The following PLCB1 variants were observed in gnomAD, a reference collection of about 807,000 sequenced individuals.
The protein encoded by PLCB1 is phospholipase C beta 1, also known as 1-phosphatidylinositol 4,5-bisphosphate phosphodiesterase beta-1.
Under a neutral mutation model 161.8 loss-of-function variants are expected in PLCB1, and 46 were observed. That is an observed-to-expected ratio of 0.28 (90% CI 0.22 to 0.36). The LOEUF (loss-of-function observed/expected upper bound fraction) is 0.36, where lower values mean the gene tolerates loss of function less well. PLCB1 is among the 10% of genes least tolerant of loss of function. The probability of loss-of-function intolerance (pLI) is 1.00; values close to 1 mark genes in which losing one functional copy is unlikely to be tolerated. For missense variants in PLCB1, 1,016 were observed against 1,472.5 expected (o/e 0.69, Z 5.07); for synonymous variants, 517 against 503.7 (o/e 1.03, Z -0.35).
At chr20:8,291,211 T>C (rs980749569) in intron 2 of PLCB1, among the ~76,000 whole-genome samples, 2 of 152,118 alleles carry the variant, frequency 1.3e-5, no homozygotes, top group African/African-American at 4.8e-5. Flanking sequence ...GCCTTCCAGG[T>C]CAATGAAAAA....
intron 2 of PLCB1, among the ~76,000 whole-genome samples, chr20:8,320,791 AAAGAAAG>A (rs1984874423): frequency 1.3e-5 from 2 of 148,614 alleles, no homozygotes; most frequent in East Asian, 2.0e-4. Context: ...ATTAGGACAG[AAAGAAAG>A]AAGAAAGAAA....
At chr20:8,697,251 C>A (rs1008331138) in intron 10 of PLCB1, among the ~76,000 whole-genome samples, 1 of 152,024 alleles carries the variant, frequency 6.6e-6, no homozygotes, top group Non-Finnish European at 1.5e-5. Context: ...CTTGGGCAAC[C>A]GAACTCTGTG....
At chr20:8,603,451 C>T (rs747639731) in intron 3 of PLCB1, among the ~76,000 whole-genome samples, 2 of 152,186 alleles carry the variant, frequency 1.3e-5, no homozygotes, top group African/African-American at 2.4e-5. Context: ...TTTAGCATCA[C>T]CAGCTGGCTC....
At chr20:8,638,947 A>C (rs1273137149) in intron 4 of PLCB1, among the ~76,000 whole-genome samples, 2 of 151,266 alleles carry the variant, frequency 1.3e-5, no homozygotes, top group African/African-American at 4.9e-5. Flanking sequence ...AAGGATTTTT[A>C]ATTTGTGTTT....
At chr20:8,740,697 C>A (rs1486955809) in intron 22 of PLCB1, among the ~76,000 whole-genome samples, 1 of 152,120 alleles carries the variant, frequency 6.6e-6, no homozygotes, top group East Asian at 1.9e-4. Flanking sequence ...CCCTTTTAGT[C>A]TTATTCTCAT....
At chr20:8,139,827 C>G (rs2051385154) in intron 1 of PLCB1, among the ~76,000 whole-genome samples, 1 of 152,118 alleles carries the variant, frequency 6.6e-6, no homozygotes, top group Non-Finnish European at 1.5e-5. Context: ...AGTAGGACTT[C>G]TTATAATACA....
At chr20:8,159,996 A>G (rs1386596342) in intron 2 of PLCB1, among the ~76,000 whole-genome samples, 1 of 151,366 alleles carries the variant, frequency 6.6e-6, no homozygotes, top group Non-Finnish European at 1.5e-5. Context: ...CTCAAAAAAA[A>G]AAAAAAAAAA....
intron 2 of PLCB1, among the ~76,000 whole-genome samples, chr20:8,263,750 A>G (rs1981822312): frequency 6.6e-6 from 1 of 152,198 alleles, no homozygotes. Flanking sequence ...GAAAAGGTAC[A>G]TTGAAAATAC....
chr20:8,451,752 C>T (rs1348732469), intron 3 of PLCB1, among the ~76,000 whole-genome samples: 2 of 152,030 alleles, frequency 1.3e-5, no homozygotes, highest in African/African-American at 4.8e-5. Context: ...GACTCTCTTT[C>T]TCTTTTCATT....
Position 8,820,761 on chromosome 20 carries a change from A to G in PLCB1, c.3423+30500A>G, listed in dbSNP as rs538555602. Among the ~76,000 whole-genome samples the G allele has an allele frequency of 2.4e-4, 36 of 152,350 alleles. No homozygotes were observed. In the South Asian group the frequency reaches 5.6e-3, roughly 24 times the overall value. ...TATAATAGTAGAATAAAGCAATGTT[A>G]ATATATTCCTACAAAAGAATATTAC... On this transcript the variant is annotated intron_variant, in intron 31 of 31. Coordinates refer to ENST00000338037, the MANE Select transcript of PLCB1 (RefSeq NM_015192.4).
chr20:8,322,311 G>C (rs1984956461), intron 2 of PLCB1, among the ~76,000 whole-genome samples: 1 of 151,920 alleles, frequency 6.6e-6, no homozygotes, highest in Non-Finnish European at 1.5e-5. Flanking sequence ...TTAAATTACT[G>C]AAGCTATTCA....
chr20:8,842,816 C>T (rs757911248), intron 31 of PLCB1, among the ~76,000 whole-genome samples: 1 of 152,128 alleles, frequency 6.6e-6, no homozygotes, highest in Non-Finnish European at 1.5e-5. Flanking sequence ...ATAGATAACA[C>T]AAGCAGTTAG....
chr20:8,429,181 T>G (rs1408658088), intron 3 of PLCB1, among the ~76,000 whole-genome samples: 1 of 152,210 alleles, frequency 6.6e-6, no homozygotes, highest in Non-Finnish European at 1.5e-5. Flanking sequence ...TCTCGAGCAT[T>G]TTAGGTGTTA....
At chr20:8,354,974 T>C (rs1486985559) in intron 2 of PLCB1, among the ~76,000 whole-genome samples, 3 of 152,198 alleles carry the variant, frequency 2.0e-5, no homozygotes, top group Non-Finnish European at 4.4e-5. Context: ...TGGGATTCTG[T>C]CTACCAAGTC....
chr20:8,431,855 C>T (rs1190733134), intron 3 of PLCB1, among the ~76,000 whole-genome samples: 2 of 152,162 alleles, frequency 1.3e-5, no homozygotes, highest in Non-Finnish European at 2.9e-5. Flanking sequence ...TCTGCTTGGG[C>T]TGCCATAATA....
At chr20:8,209,705 C>T (rs924925992) in intron 2 of PLCB1, among the ~76,000 whole-genome samples, 1 of 152,074 alleles carries the variant, frequency 6.6e-6, no homozygotes, top group African/African-American at 2.4e-5. Context: ...ACCCAGTGGT[C>T]ATGCTTGTGA....
intron 31 of PLCB1, among the ~76,000 whole-genome samples, chr20:8,868,490 T>C (rs1024326053): frequency 1.3e-5 from 2 of 152,206 alleles, no homozygotes; most frequent in Non-Finnish European, 2.9e-5. Context: ...GAAAACACAT[T>C]GGAATGTTTT....
intron 19 of PLCB1, among the ~76,000 whole-genome samples, chr20:8,733,752 C>T (rs1025400780): frequency 6.7e-5 from 10 of 148,776 alleles, no homozygotes; most frequent in South Asian, 2.1e-4. Flanking sequence ...AACTAACCTG[C>T]ACATTGTGCG....
intron 3 of PLCB1, among the ~76,000 whole-genome samples, chr20:8,442,376 A>G (rs940757381): frequency 6.6e-6 from 1 of 152,180 alleles, no homozygotes; most frequent in African/African-American, 2.4e-5. Flanking sequence ...TTGTCCTGGC[A>G]TGGTGGGATG....
Sources: allele counts gnomAD v4.1 joint callset (sites outside exome capture counted in the v4.1 genomes callset), GRCh38; gene constraint gnomAD v4.1.1; transcripts MANE v1.5; gene names NCBI Gene and HGNC (gene_info 2026-07-23, HGNC 2026-07-21).